The following SPAG1 variants were observed in gnomAD, a reference collection of about 807,000 sequenced individuals.
SPAG1 encodes the protein sperm associated antigen 1.
SPAG1 carries 69 observed loss-of-function variants against 100.5 expected under a neutral mutation model. The observed-to-expected ratio is 0.69, with a 90% CI of 0.57 to 0.84. The LOEUF (loss-of-function observed/expected upper bound fraction) is 0.84, where lower values mean the gene tolerates loss of function less well. Ranked by LOEUF, SPAG1 falls within the 40% of genes least tolerant of loss-of-function variation. The pLI is 0.00. For synonymous variants in SPAG1, 336 were observed against 411.6 expected (o/e 0.82, Z 2.22); for missense variants, 955 against 1,133.1 (o/e 0.84, Z 2.26).
chr8:100,213,497 C>T lies in SPAG1; in HGVS notation c.1435+69C>T, dbSNP rs1436024060. 2.5e-5 allele frequency: 30 copies of T among 1,223,548 alleles called. No homozygotes were observed. In the Admixed American group the frequency reaches 7.7e-4, roughly 31 times the overall value. The allele number at this position is 1,223,548 out of a possible 1,614,324, so 75.8% of individuals were successfully genotyped here. ...CGGTTCACCCGACCTCCGGGGCCCC[C>T]GTGGGAGAGGCGCTGCCGCCTCCTG... On this transcript the variant is annotated intron_variant, in intron 11 of 18. Transcript: ENST00000388798.
rs761141633 is a variant in SPAG1, at chr8:100,239,597, C to T, written c.2280+193C>T. ...AGCCATTGTATTTCCCAACGTGGGT[C>T]CATGGATGGTACTGGGAGTCTCTGC... On this transcript the variant is annotated intron_variant, in intron 17 of 18. Coordinates refer to ENST00000388798, the MANE Select transcript of SPAG1 (RefSeq NM_003114.5). The surrounding 1 kb of genome is among the most constrained non-coding windows in gnomAD (Gnocchi z 5.0). 2.0e-5 allele frequency among the ~76,000 whole-genome samples: 3 copies of T among 152,232 alleles called. No individual in the cohort carries two copies. Among genetic ancestry groups the T allele is most frequent in the African/African-American group, 7.2e-5 (3 of 41,460 alleles).
intron 2 of SPAG1, among the ~76,000 whole-genome samples, chr8:100,163,411 T>C (rs867732804): frequency 2.4e-4 from 37 of 151,700 alleles, no homozygotes; most frequent in Non-Finnish European, 4.3e-4. Context: ...TTCTTTCTTT[T>C]TTTTTTTTTT....
chr8:100,231,418 G>A, intron 15 of SPAG1, 130 bp downstream of exon 15: 1 of 615,356 alleles, frequency 1.6e-6, no homozygotes, highest in Admixed American at 3.2e-5. Context: ...AATTTCTATA[G>A]CAAGCTGTCC....
chr8:100,180,563 A>G (rs1391857637), intron 4 of SPAG1, among the ~76,000 whole-genome samples: 1 of 152,208 alleles, frequency 6.6e-6, no homozygotes, highest in Non-Finnish European at 1.5e-5. Flanking sequence ...AAATTTAGAA[A>G]ATATGCTCCA....
Position 100,162,080 on chromosome 8 carries a change from G to C in SPAG1, c.-2-199G>C, listed in dbSNP as rs1815331970. 2.0e-5 allele frequency among the ~76,000 whole-genome samples: 3 copies of C among 152,176 alleles called. 1 individual carries two copies. In the South Asian group the frequency reaches 6.2e-4, roughly 32 times the overall value. On this transcript the variant is annotated intron_variant, in intron 1 of 18. Transcript: ENST00000388798. Reference sequence around the variant, plus strand: ...ACAATGGCTCATGCCCATAATCCCAGCACTCTGGGAGGCTGAAGCAGGAGG... The same window carrying C: ...ACAATGGCTCATGCCCATAATCCCACCACTCTGGGAGGCTGAAGCAGGAGG...
chr8:100,184,751 G>T lies in SPAG1; in HGVS notation c.701+18G>T. 6.9e-7 allele frequency: 1 copy of T among 1,453,166 alleles called. No individual in the cohort carries two copies. Among genetic ancestry groups the T allele is most frequent in the Non-Finnish European group, 9.4e-7 (1 of 1,060,702 alleles). The allele number at this position is 1,453,166 out of a possible 1,614,324, so 90.0% of individuals were successfully genotyped here. On this transcript the variant is annotated intron_variant, in intron 7 of 18. Transcript: ENST00000388798. ...TATACCAGGTGAGCAGATGTTTGTT[G>T]GGGTTTAAACTTGCCTTTTAAAAAA...
chr8:100,232,467 C>T (rs1403780796), intron 15 of SPAG1, among the ~76,000 whole-genome samples: 1 of 152,122 alleles, frequency 6.6e-6, no homozygotes, highest in Non-Finnish European at 1.5e-5. Context: ...TGAAGCGCTC[C>T]CCATCTCTTC....
chr8:100,201,459 A>T (rs1817272672), intron 10 of SPAG1, among the ~76,000 whole-genome samples: 1 of 152,062 alleles, frequency 6.6e-6, no homozygotes, highest in Non-Finnish European at 1.5e-5. Context: ...TTATGATTTT[A>T]GCTCTTGTAT....
Position 100,213,442 on chromosome 8 carries a change from G to T in SPAG1, c.1435+14G>T, listed in dbSNP as rs962435983. 2 of 1,383,542 alleles carry T rather than the reference G, an allele frequency of 1.4e-6. No homozygotes were observed. Among genetic ancestry groups the T allele is most frequent in the African/African-American group, 1.5e-5 (1 of 65,500 alleles). The allele number at this position is 1,383,542 out of a possible 1,614,324, so 85.7% of individuals were successfully genotyped here. A position where few individuals can be genotyped will look rare whatever the true frequency, so the allele number is the denominator to read the frequency against. On this transcript the variant is annotated intron_variant, in intron 11 of 18. Coordinates refer to ENST00000388798, the MANE Select transcript of SPAG1 (RefSeq NM_003114.5). ...TGGAGCCAGCAGGTAGGTGCGCCGC[G>T]CCCCGCCGCTTCCTGGGCCCCTCGC... is the stretch of plus-strand genomic sequence containing the variant.
chr8:100,161,232 T>C lies in SPAG1; in HGVS notation c.-2-1047T>C, dbSNP rs113540121. 6.0e-3 allele frequency among the ~76,000 whole-genome samples: 920 copies of C among 152,206 alleles called. 15 individuals are homozygous for C. Among genetic ancestry groups the C allele is most frequent in the African/African-American group, 0.022 (893 of 41,514 alleles). ...GGTGGCACGTGCCTGTAGTCCCAGC[T>C]ACTCAGGAGTCTGAGGTGGGAGGAT... On this transcript the variant is annotated intron_variant, in intron 1 of 18. Coordinates refer to ENST00000388798, the MANE Select transcript of SPAG1 (RefSeq NM_003114.5).
At chr8:100,165,176 C>A in intron 2 of SPAG1, 1 of 439,766 alleles carries the variant, frequency 2.3e-6, no homozygotes, top group Non-Finnish European at 4.6e-6. Flanking sequence ...CAAAAAATAC[C>A]AATATTTATT....
chr8:100,225,199 A>T lies in SPAG1; in HGVS notation c.1715A>T (p.Asp572Val). The T allele has an allele frequency of 6.2e-7, 1 of 1,613,954 alleles. No individual in the cohort carries two copies. Residue 572 changes from aspartate (D) to valine (V), a missense_variant, in exon 14 of 19, where the codon GAT (aspartate) becomes GTT (valine). Asp to Val is a radical substitution (Grantham distance 152, BLOSUM62 -3). Transcript: ENST00000388798. ...NRLSRILMEL[D>V]GPNWREKLSP... is the part of the protein sequence containing the mutation. ...CTATCAAGAATTTTAATGGAGCTGG[A>T]TGGACCAAATTGGCGGGAGAAGCTG...
intron 9 of SPAG1, among the ~76,000 whole-genome samples, chr8:100,193,895 G>T (rs1816915768): frequency 6.6e-6 from 1 of 151,874 alleles, no homozygotes. Flanking sequence ...GATTTTAGGT[G>T]ATTTTTTCTT....
chr8:100,240,860 TTTTG>T (rs776473150), intron 18 of SPAG1, 27 bp from the exon 19 acceptor site: 20 of 1,574,746 alleles, frequency 1.3e-5, no homozygotes, highest in African/African-American at 8.4e-5. Context: ...ATAGTTGGTT[TTTTG>T]TTTTTTTTTT....
In SPAG1 at chr8:100,194,582, A is replaced by G. The variant is rs1300306772; in HGVS notation, c.1096+314A>G. On this transcript the variant is annotated intron_variant, in intron 10 of 18. Coordinates refer to ENST00000388798, the MANE Select transcript of SPAG1 (RefSeq NM_003114.5). ...TAACTTTAAATATCTCTCTTTGATA[A>G]TTGTTTTGTATATATCTACTTGATT... 8 of 501,406 alleles carry G rather than the reference A, an allele frequency of 1.6e-5. No homozygotes were observed. The East Asian group carries it at 2.5e-4, about 16-fold the overall frequency. The allele number at this position is 501,406 out of a possible 1,614,324, so 31.1% of individuals were successfully genotyped here.
chr8:100,165,491 G>A, intron 2 of SPAG1: 1 of 359,148 alleles, frequency 2.8e-6, no homozygotes, highest in South Asian at 2.5e-5. Flanking sequence ...GCGCCGGGAG[G>A]AACCCAGAAC....
At chr8:100,237,893 T>C (rs1384810197) in intron 16 of SPAG1, among the ~76,000 whole-genome samples, 2 of 152,300 alleles carry the variant, frequency 1.3e-5, no homozygotes, top group East Asian at 3.9e-4. Context: ...TTTCCAAGGC[T>C]GTGGCTCACA....
chr8:100,214,566 C>A lies in SPAG1; in HGVS notation c.1535+648C>A, dbSNP rs139501566. Among the ~76,000 whole-genome samples, 517 of 152,308 alleles carry A rather than the reference C, an allele frequency of 3.4e-3. 3 individuals carry two copies. The highest frequency in any genetic ancestry group is 0.012 in the African/African-American group (488 of 41,550). On this transcript the variant is annotated intron_variant, in intron 12 of 18. Coordinates refer to ENST00000388798, the MANE Select transcript of SPAG1 (RefSeq NM_003114.5). ...TCACACCTCTAAGTCCTGTTATCCA[C>A]TGAAGGGGGTTTAAACACATCGAGG... is the stretch of plus-strand genomic sequence containing the variant.
chr8:100,184,357 T>C (rs1816497046), intron 6 of SPAG1, among the ~76,000 whole-genome samples: 1 of 152,178 alleles, frequency 6.6e-6, no homozygotes, highest in Non-Finnish European at 1.5e-5. Flanking sequence ...GTTTTCTTTT[T>C]GCTTCAAAAC....
Sources: allele counts gnomAD v4.1 joint callset (sites outside exome capture counted in the v4.1 genomes callset), GRCh38; gene constraint gnomAD v4.1.1; non-coding constraint Gnocchi (gnomAD v3.1); transcripts MANE v1.5; gene names NCBI Gene and HGNC (gene_info 2026-07-23, HGNC 2026-07-21).